The following LUZP2 variants were observed in gnomAD, a reference collection of about 807,000 sequenced individuals.
LUZP2 encodes leucine zipper protein 2.
In LUZP2, 52 loss-of-function variants were observed where a neutral mutation model predicts 51.6. The ratio of observed to expected loss-of-function variants is 1.01; its 90% CI spans 0.81 to 1.27. The LOEUF (loss-of-function observed/expected upper bound fraction) is 1.27. LUZP2 is among the 50% of genes most tolerant of loss of function. The probability of loss-of-function intolerance (pLI) is 0.00; values close to 1 mark genes in which losing one functional copy is unlikely to be tolerated. For synonymous variants in LUZP2, 154 were observed against 137.3 expected (o/e 1.12, Z -0.85); for missense variants, 436 against 395.4 (o/e 1.10, Z -0.87).
chr11:24,710,588 T>C (rs1177390179), intron 1 of LUZP2, among the ~76,000 whole-genome samples: 3 of 152,216 alleles, frequency 2.0e-5, no homozygotes, highest in Non-Finnish European at 4.4e-5. Flanking sequence ...CAAGCTCTTC[T>C]GAATTTTTCT....
At chr11:24,904,492 C>T (rs1231531479) in intron 5 of LUZP2, among the ~76,000 whole-genome samples, 1 of 152,004 alleles carries the variant, frequency 6.6e-6, no homozygotes, top group East Asian at 1.9e-4. Context: ...ACTGTGTTAG[C>T]CAGGATGGTC....
intron 9 of LUZP2, among the ~76,000 whole-genome samples, chr11:25,013,717 A>G (rs1381236732): frequency 6.6e-6 from 1 of 152,110 alleles, no homozygotes; most frequent in East Asian, 1.9e-4. Context: ...TTCAACATTT[A>G]AAAAATTACA....
At chr11:24,559,308 A>C (rs1851963318) in intron 1 of LUZP2, among the ~76,000 whole-genome samples, 1 of 152,158 alleles carries the variant, frequency 6.6e-6, no homozygotes, top group Admixed American at 6.6e-5. Flanking sequence ...TCAAACTAAA[A>C]CCTAAATGGT....
In LUZP2 at chr11:25,077,368, C is replaced by T. The variant is rs750539577; in HGVS notation, c.898C>T (p.Pro300Ser). 7 of 1,612,936 alleles carry T rather than the reference C, an allele frequency of 4.3e-6. No homozygotes were observed. The East Asian group carries it at 1.6e-4, about 36-fold the overall frequency. ...TTCCATGAAGCACAAAGAAAGTCCC[C>T]CAAGTAATGCCACTGCAGAAACCGA... ...PCSMKHKESP[P>S]SNATAETEPI... The change falls in exon 11 of 12, where the codon CCA becomes TCA. Residue 300 changes from proline to serine, a missense_variant. By Grantham distance (74) the Pro-to-Ser change is moderately conservative. Coordinates refer to ENST00000336930, the MANE Select transcript of LUZP2 (RefSeq NM_001009909.4).
chr11:24,602,040 C>G (rs1455910990), intron 1 of LUZP2, among the ~76,000 whole-genome samples: 2 of 91,536 alleles, frequency 2.2e-5, no homozygotes, highest in African/African-American at 3.9e-5. Flanking sequence ...ATATGTATAT[C>G]TGTATATATG....
At chr11:24,763,010 AT>A in intron 4 of LUZP2, 1 of 836,216 alleles carries the variant, frequency 1.2e-6, no homozygotes, top group Non-Finnish European at 1.4e-6. Flanking sequence ...GGGTTTCTCA[AT>A]TTAAAAAAAA....
At chr11:25,007,539 G>C (rs977269684) in intron 9 of LUZP2, among the ~76,000 whole-genome samples, 1 of 152,082 alleles carries the variant, frequency 6.6e-6, no homozygotes, top group African/African-American at 2.4e-5. Context: ...GGAGGTAAAG[G>C]TTGCAGTGGG....
chr11:24,860,869 C>T (rs774344210), intron 5 of LUZP2, among the ~76,000 whole-genome samples: 2 of 152,128 alleles, frequency 1.3e-5, no homozygotes, highest in Non-Finnish European at 2.9e-5. Flanking sequence ...TTAAAAAATG[C>T]TGAAAACCCA....
intron 1 of LUZP2, among the ~76,000 whole-genome samples, chr11:24,540,381 G>A (rs1851320252): frequency 6.6e-6 from 1 of 152,110 alleles, no homozygotes; most frequent in Non-Finnish European, 1.5e-5. Flanking sequence ...GGTCATTAGA[G>A]GGGATCCCTC....
chr11:24,594,243 T>C (rs774761452), intron 1 of LUZP2, among the ~76,000 whole-genome samples: 79 of 152,202 alleles, frequency 5.2e-4, no homozygotes, highest in Non-Finnish European at 6.6e-4. Context: ...AGATCAATGC[T>C]GAGCATTCTG....
chr11:24,946,767 C>T (rs1854912362), intron 7 of LUZP2, among the ~76,000 whole-genome samples: 1 of 151,726 alleles, frequency 6.6e-6, no homozygotes, highest in East Asian at 1.9e-4. Context: ...TTCTGCTTCT[C>T]CTTATTTCTT....
rs1858743004 is a variant in LUZP2 at position 24,732,275 on chromosome 11, T to C, written c.251+87T>C. ...TCACAAAATTTATTGATTCTAAATATATGAACCTATTTATCTTTTCACTTA... is the reference window on the plus strand; with the variant it reads ...TCACAAAATTTATTGATTCTAAATACATGAACCTATTTATCTTTTCACTTA... On this transcript the variant is annotated intron_variant, in intron 3 of 11. Transcript: ENST00000336930. The C allele has an allele frequency of 8.6e-6, 8 of 926,710 alleles. No individual in the cohort carries two copies. In the South Asian group the frequency reaches 9.8e-5, roughly 11 times the overall value. The allele number at this position is 926,710 out of a possible 1,614,324, so 57.4% of individuals were successfully genotyped here.
intron 5 of LUZP2, among the ~76,000 whole-genome samples, chr11:24,839,874 G>T (rs191345188): frequency 6.6e-6 from 1 of 151,626 alleles, no homozygotes; most frequent in Admixed American, 6.6e-5. Flanking sequence ...TCTTGATATT[G>T]ATATGCAGTC....
intron 1 of LUZP2, among the ~76,000 whole-genome samples, chr11:24,554,816 C>A (rs967280392): frequency 6.7e-6 from 1 of 150,220 alleles, no homozygotes; most frequent in African/African-American, 2.5e-5. Flanking sequence ...CATTCAAGTC[C>A]GGTAATGATG....
In LUZP2 at chr11:24,632,835, C is replaced by T. The variant is rs528898715; in HGVS notation, c.63-96334C>T. Among the ~76,000 whole-genome samples, 4 of 152,094 alleles carry T rather than the reference C, an allele frequency of 2.6e-5. No individual in the cohort carries two copies. In the East Asian group the frequency reaches 7.7e-4, roughly 29 times the overall value. On this transcript the variant is annotated intron_variant, in intron 1 of 11. Coordinates refer to ENST00000336930, the MANE Select transcript of LUZP2 (RefSeq NM_001009909.4). ...ATAGCCTGAAGTTGTCAGATATATG[C>T]ATCTTGCAGGCATTATGGGGATATT...
intron 1 of LUZP2, among the ~76,000 whole-genome samples, chr11:24,640,002 A>T (rs1486613193): frequency 6.6e-6 from 1 of 151,904 alleles, no homozygotes; most frequent in Non-Finnish European, 1.5e-5. Flanking sequence ...TAAATGTCTT[A>T]TTAAAAAGTT....
intron 1 of LUZP2, among the ~76,000 whole-genome samples, chr11:24,712,536 C>T (rs1857874581): frequency 6.6e-6 from 1 of 152,148 alleles, no homozygotes; most frequent in Admixed American, 6.5e-5. Context: ...AAAAGGGATT[C>T]TGGCTAACCT....
intron 7 of LUZP2, among the ~76,000 whole-genome samples, chr11:24,935,014 G>C (rs757313090): frequency 6.6e-5 from 10 of 152,196 alleles, no homozygotes; most frequent in Non-Finnish European, 1.3e-4. Flanking sequence ...AGCAGTATAT[G>C]TAAGCTAAAT....
At chr11:24,830,445 G>A (rs1057452948) in intron 5 of LUZP2, among the ~76,000 whole-genome samples, 3 of 135,928 alleles carry the variant, frequency 2.2e-5, no homozygotes, top group African/African-American at 8.7e-5. Flanking sequence ...AAGGCCAAAA[G>A]CCAAGTAGGC....
Sources: allele counts gnomAD v4.1 joint callset (sites outside exome capture counted in the v4.1 genomes callset), GRCh38; gene constraint gnomAD v4.1.1; transcripts MANE v1.5; gene names NCBI Gene and HGNC (gene_info 2026-07-23, HGNC 2026-07-21).